The following CLASP2 variants were observed in gnomAD, a reference collection of about 807,000 sequenced individuals.
The protein encoded by CLASP2 is CLIP-associating protein 2.
In CLASP2, 47 loss-of-function variants were observed where a neutral mutation model predicts 194.4. The observed-to-expected ratio is 0.24, with a 90% CI of 0.19 to 0.31. CLASP2 has a LOEUF of 0.31. Among genes scored for constraint, CLASP2 ranks in the 10% least tolerant of loss-of-function variants. The probability of loss-of-function intolerance (pLI) is 1.00; values close to 1 mark genes in which losing one functional copy is unlikely to be tolerated. For synonymous variants in CLASP2, 619 were observed against 633.5 expected (o/e 0.98, Z 0.34); for missense variants, 1,445 against 1,823.6 (o/e 0.79, Z 3.78).
rs749184074 is a variant in CLASP2 at position 33,606,763 on chromosome 3, T to TA, written c.1527-6dup. The stretch of plus-strand genomic sequence containing the variant: ...TTTCTAAGACCCATGTATGTCCTGT[T>TA]AAAAAAAAAGAAAAGCAGATGAAGT... On this transcript the variant is annotated splice_polypyrimidine_tract_variant and splice_region_variant and intron_variant, in intron 15 of 38. Transcript: ENST00000682230. 637 of 1,563,098 alleles carry TA rather than the reference T, an allele frequency of 4.1e-4. No homozygotes were observed. The highest frequency in any genetic ancestry group is 4.5e-4 in the Admixed American group (24 of 52,802).
chr3:33,504,488 G>A (rs151049423), intron 37 of CLASP2: 1 of 152,274 alleles, frequency 6.6e-6, no homozygotes, highest in Non-Finnish European at 1.5e-5. Context: ...TTTGCAGATT[G>A]ACTCTGAGCT....
chr3:33,634,484 T>C (rs1454135616), intron 8 of CLASP2, among the ~76,000 whole-genome samples: 4 of 152,214 alleles, frequency 2.6e-5, no homozygotes, highest in Admixed American at 6.5e-5. Context: ...CAAAACCAGA[T>C]AGCCAGATAT....
At chr3:33,684,314 C>A in intron 6 of CLASP2, 45 bp downstream of exon 6, 1 of 1,025,786 alleles carries the variant, frequency 9.7e-7, no homozygotes, top group South Asian at 1.5e-5. Context: ...ACTTTTAAAA[C>A]TAGTGGTGAA....
chr3:33,694,076 C>A (rs1004816780), intron 2 of CLASP2, among the ~76,000 whole-genome samples: 18 of 151,864 alleles, frequency 1.2e-4, no homozygotes, highest in African/African-American at 4.3e-4. Context: ...AAGAAAGGAC[C>A]ATGGAGAAGA....
intron 35 of CLASP2, among the ~76,000 whole-genome samples, chr3:33,516,454 G>A (rs2051336793): frequency 6.6e-6 from 1 of 152,152 alleles, no homozygotes; most frequent in African/African-American, 2.4e-5. Context: ...GATCACTTGA[G>A]TTCAGGAGTT....
intron 32 of CLASP2, among the ~76,000 whole-genome samples, chr3:33,541,431 C>G (rs1399456937): frequency 6.6e-6 from 1 of 152,136 alleles, no homozygotes; most frequent in Non-Finnish European, 1.5e-5. Flanking sequence ...TTTTATCACC[C>G]AGGTATTAAG....
chr3:33,708,528 A>G (rs1447815865), intron 1 of CLASP2, among the ~76,000 whole-genome samples: 22 of 71,596 alleles, frequency 3.1e-4, no homozygotes, highest in Admixed American at 2.6e-3. Flanking sequence ...ATATATGTAT[A>G]TATATATGTA....
chr3:33,527,939 G>A (rs111231294), intron 34 of CLASP2, among the ~76,000 whole-genome samples: 151 of 152,136 alleles, frequency 9.9e-4, no homozygotes, highest in South Asian at 4.6e-3. Context: ...CCCCAGCCTG[G>A]GTGACAGAGC....
chr3:33,622,116 A>T lies in CLASP2; in HGVS notation c.1181+19T>A. On this transcript the variant is annotated intron_variant, in intron 11 of 38. Coordinates refer to ENST00000682230, the MANE Select transcript of CLASP2 (RefSeq NM_001365631.1). ...AATTCATTCATAAAAAACACTTATCATAAAAGGAATATACTTACGCTACAG... is the reference window on the plus strand; with the variant it reads ...AATTCATTCATAAAAAACACTTATCTTAAAAGGAATATACTTACGCTACAG... The T allele has an allele frequency of 5.9e-6, 9 of 1,517,404 alleles. No homozygotes were observed. Among genetic ancestry groups the T allele is most frequent in the Non-Finnish European group, 8.0e-6 (9 of 1,130,272 alleles). The allele number at this position is 1,517,404 out of a possible 1,614,324, so 94.0% of individuals were successfully genotyped here.
chr3:33,603,153 A>T (rs372797740), intron 17 of CLASP2, 28 bp from the exon 18 acceptor site: 1 of 1,514,490 alleles, frequency 6.6e-7, no homozygotes, highest in African/African-American at 1.4e-5. Flanking sequence ...AAGATAACTT[A>T]TATCATTTAA....
At position 33,611,806 on chromosome 3, in the gene CLASP2, A is replaced by G. The variant is rs188772442; in HGVS notation, c.1388+195T>C. On this transcript the variant is annotated intron_variant, in intron 13 of 38. Transcript: ENST00000682230. Reference sequence around the variant, plus strand: ...AAAGCTTAATATGATAAAACTAAGAAAAGTGGGTGGTCATAATAATCACTT... The same window carrying G: ...AAAGCTTAATATGATAAAACTAAGAGAAGTGGGTGGTCATAATAATCACTT... Among the ~76,000 whole-genome samples the G allele has an allele frequency of 2.0e-5, 3 of 152,302 alleles. No individual in the cohort carries two copies. In the East Asian group the frequency reaches 5.8e-4, roughly 29 times the overall value.
chr3:33,580,190 T>G (rs1282465572), intron 23 of CLASP2, among the ~76,000 whole-genome samples: 1 of 152,170 alleles, frequency 6.6e-6, no homozygotes, highest in Non-Finnish European at 1.5e-5. Flanking sequence ...GATTCTAGCT[T>G]TAATGGGGTT....
chr3:33,636,449 A>C lies in CLASP2; in HGVS notation c.863-4078T>G, dbSNP rs562381293. Among the ~76,000 whole-genome samples the C allele has an allele frequency of 4.8e-4, 73 of 152,296 alleles. 1 individual carries two copies. The South Asian group carries it at 0.015, about 31-fold the overall frequency. Reference sequence around the variant, plus strand: ...AAAATTAAAAAAAACACCTACCAAGAAGGAAAAAACTATAACACAATTCTC... The same window carrying C: ...AAAATTAAAAAAAACACCTACCAAGCAGGAAAAAACTATAACACAATTCTC... On this transcript the variant is annotated intron_variant, in intron 8 of 38. Coordinates refer to ENST00000682230, the MANE Select transcript of CLASP2 (RefSeq NM_001365631.1).
At chr3:33,619,848 A>T in intron 11 of CLASP2, 110 bp from the exon 12 acceptor site, 1 of 891,030 alleles carries the variant, frequency 1.1e-6, no homozygotes, top group Non-Finnish European at 1.6e-6. Context: ...TTTGTATTTT[A>T]ATCAGTTGTA....
At chr3:33,523,791 G>A (rs1197626310) in intron 34 of CLASP2, among the ~76,000 whole-genome samples, 7 of 152,080 alleles carry the variant, frequency 4.6e-5, no homozygotes, top group South Asian at 2.1e-4. Flanking sequence ...GTATAAAGAC[G>A]TAATTTTATA....
At chr3:33,589,506 C>A (rs1185289069) in intron 21 of CLASP2, among the ~76,000 whole-genome samples, 2 of 152,050 alleles carry the variant, frequency 1.3e-5, no homozygotes, top group Non-Finnish European at 2.9e-5. Flanking sequence ...ATACAAATTA[C>A]ATAATACCTT....
intron 13 of CLASP2, among the ~76,000 whole-genome samples, chr3:33,609,913 A>G (rs1043539482): frequency 1.3e-5 from 2 of 152,232 alleles, no homozygotes; most frequent in Non-Finnish European, 2.9e-5. Flanking sequence ...AGGTTAAATT[A>G]ACTTGCTCAA....
At chr3:33,646,090 A>G (rs2082243128) in intron 7 of CLASP2, among the ~76,000 whole-genome samples, 1 of 152,214 alleles carries the variant, frequency 6.6e-6, no homozygotes, top group African/African-American at 2.4e-5. Context: ...CTTCAGATGA[A>G]TATGCCAGAA....
At position 33,687,031 on chromosome 3, in the gene CLASP2, T is replaced by C. The variant is rs768349388; in HGVS notation, c.546+29A>G. 4 of 1,319,774 alleles carry C rather than the reference T, an allele frequency of 3.0e-6. No homozygotes were observed. In the Admixed American group the frequency reaches 9.6e-5, roughly 32 times the overall value. The allele number at this position is 1,319,774 out of a possible 1,614,324, so 81.8% of individuals were successfully genotyped here. A position where few individuals can be genotyped will look rare whatever the true frequency, so the allele number is the denominator to read the frequency against. ...AAAGAAATGGTAGCCAAAAAATCAG[T>C]CAATGCTTGAATGTAAATAAAATTT... On this transcript the variant is annotated intron_variant, in intron 5 of 38. Transcript: ENST00000682230.
Sources: gnomAD v4.1 joint callset for allele counts (sites outside exome capture counted in the v4.1 genomes callset) on GRCh38, gnomAD v4.1.1 for gene constraint, MANE v1.5 for transcripts, NCBI Gene and HGNC (gene_info 2026-07-23, HGNC 2026-07-21) for gene names.